The following UVRAG variants were observed in gnomAD, a reference collection of about 807,000 sequenced individuals.
The protein encoded by UVRAG is UV radiation resistance-associated gene protein.
Under a neutral mutation model 78.0 loss-of-function variants are expected in UVRAG, and 19 were observed. That is an observed-to-expected ratio of 0.24 (90% CI 0.17 to 0.36). UVRAG has a LOEUF of 0.36. Ranked by LOEUF, UVRAG falls within the 10% of genes least tolerant of loss-of-function variation. The probability of loss-of-function intolerance (pLI) is 1.00; values close to 1 mark genes in which losing one functional copy is unlikely to be tolerated. For missense variants in UVRAG, 740 were observed against 853.8 expected, an observed-to-expected ratio of 0.87 and a Z score of 1.66; for synonymous variants, 323 against 324.6, an observed-to-expected ratio of 1.00 and a Z score of 0.05.
intron 10 of UVRAG, 130 bp from the exon 11 acceptor site, chr11:76,008,677 G>C (rs955925003): frequency 6.1e-6 from 3 of 491,746 alleles, no homozygotes; most frequent in South Asian, 8.9e-5. Context: ...TCATCATCCA[G>C]CTTCAACAAT....
chr11:75,850,259 C>A (rs1025990252), intron 1 of UVRAG, among the ~76,000 whole-genome samples: 5 of 152,150 alleles, frequency 3.3e-5, no homozygotes, highest in African/African-American at 1.2e-4. Context: ...GCCTTAGGTC[C>A]CTGGAGACCC....
chr11:75,889,022 C>T (rs577853450), intron 5 of UVRAG, 119 bp downstream of exon 5: 19 of 766,654 alleles, frequency 2.5e-5, no homozygotes, highest in Non-Finnish European at 3.7e-5. Context: ...AAATTTGTTG[C>T]TTAGTGTGGC....
chr11:75,936,088 C>G (rs1457114260), intron 6 of UVRAG, among the ~76,000 whole-genome samples: 1 of 152,146 alleles, frequency 6.6e-6, no homozygotes, highest in African/African-American at 2.4e-5. Context: ...TGAAGAGATT[C>G]AAGTTATGCA....
intron 1 of UVRAG, among the ~76,000 whole-genome samples, chr11:75,831,010 G>A (rs939292395): frequency 6.6e-6 from 1 of 152,150 alleles, no homozygotes; most frequent in Non-Finnish European, 1.5e-5. Flanking sequence ...GGTAAAATGG[G>A]CATAATAATA....
At chr11:75,871,008 T>A (rs1047742991) in intron 3 of UVRAG, among the ~76,000 whole-genome samples, 1 of 151,624 alleles carries the variant, frequency 6.6e-6, no homozygotes, top group Middle Eastern at 3.2e-3. Flanking sequence ...TAGCTCAGAT[T>A]ACAGGCATGT....
At chr11:76,098,260 G>T (rs528906079) in intron 13 of UVRAG, among the ~76,000 whole-genome samples, 2 of 152,220 alleles carry the variant, frequency 1.3e-5, no homozygotes, top group South Asian at 4.1e-4. Context: ...GGAAAAGGAA[G>T]ATAACTAACA....
intron 13 of UVRAG, among the ~76,000 whole-genome samples, chr11:76,077,968 A>G (rs1212767218): frequency 6.6e-6 from 1 of 152,228 alleles, no homozygotes; most frequent in African/African-American, 2.4e-5. Flanking sequence ...TTTCCAAAGC[A>G]CCACCATGAG....
At chr11:75,965,193 A>G (rs1237594837) in intron 7 of UVRAG, among the ~76,000 whole-genome samples, 3 of 152,260 alleles carry the variant, frequency 2.0e-5, no homozygotes, top group Non-Finnish European at 2.9e-5. Context: ...TTGCTATCTT[A>G]ACAATAGTGG....
At chr11:75,834,476 A>G (rs772551817) in intron 1 of UVRAG, among the ~76,000 whole-genome samples, 55 of 152,078 alleles carry the variant, frequency 3.6e-4, no homozygotes, top group Non-Finnish European at 7.6e-4. Flanking sequence ...GTGTGTGTGT[A>G]CATGCATGCC....
chr11:75,861,853 A>G (rs1181666902), intron 3 of UVRAG, 73 bp downstream of exon 3: 1 of 1,302,374 alleles, frequency 7.7e-7, no homozygotes, highest in Admixed American at 1.9e-5. Context: ...GAAATGTAAA[A>G]TAAGTTGAGG....
chr11:76,107,797 T>G (rs1951997639), intron 13 of UVRAG, among the ~76,000 whole-genome samples: 1 of 152,206 alleles, frequency 6.6e-6, no homozygotes, highest in African/African-American at 2.4e-5. Context: ...GTGGTACTCT[T>G]TTTTTTCAAG....
intron 6 of UVRAG, among the ~76,000 whole-genome samples, chr11:75,957,552 C>T (rs112337095): frequency 1.4e-4 from 22 of 151,912 alleles, no homozygotes; most frequent in African/African-American, 4.6e-4. Context: ...ATTACAGTAT[C>T]ATCTTACTAA....
Position 75,983,480 on chromosome 11 carries a change from C to T in UVRAG, c.793C>T (p.Leu265=), listed in dbSNP as rs765372762. 6.2e-7 allele frequency: 1 copy of T among 1,609,918 alleles called. No individual in the cohort carries two copies. The highest frequency in any genetic ancestry group is 1.7e-5 in the Admixed American group (1 of 59,870). ...AGCTTTGGGACGGGAGGTGGCATTA[C>T]TGCATAAGCAACAAATTGCATTACA... The part of the protein sequence containing the change: ...KKALGREVAL[L]HKQQIALQDK... The change falls in exon 8 of 15, where the codon CTG becomes TTG. Residue 265 remains leucine (L), a synonymous_variant. Transcript: ENST00000356136.
chr11:76,009,758 G>C (rs1368393382), intron 11 of UVRAG, among the ~76,000 whole-genome samples: 1 of 152,164 alleles, frequency 6.6e-6, no homozygotes, highest in Non-Finnish European at 1.5e-5. Flanking sequence ...TAAACCAGGA[G>C]TTGGAAAACC....
chr11:76,038,376 C>CA (rs778411777), intron 12 of UVRAG, among the ~76,000 whole-genome samples: 16 of 150,824 alleles, frequency 1.1e-4, no homozygotes, highest in South Asian at 4.2e-4. Context: ...ATACAAATTG[C>CA]AAAAAAAATA....
At chr11:76,061,822 C>T (rs953912522) in intron 12 of UVRAG, among the ~76,000 whole-genome samples, 1 of 152,182 alleles carries the variant, frequency 6.6e-6, no homozygotes, top group Non-Finnish European at 1.5e-5. Context: ...ATTCCGGACT[C>T]AAAATTATAT....
At chr11:76,074,157 T>G (rs1340995026) in intron 13 of UVRAG, among the ~76,000 whole-genome samples, 1 of 152,272 alleles carries the variant, frequency 6.6e-6, no homozygotes, top group East Asian at 1.9e-4. Context: ...ATGATAATTA[T>G]TGATACATAT....
chr11:75,978,549 T>G (rs1031810634), intron 7 of UVRAG, among the ~76,000 whole-genome samples: 1 of 152,216 alleles, frequency 6.6e-6, no homozygotes, highest in East Asian at 1.9e-4. Flanking sequence ...CCATATTTGT[T>G]GGAGGCTTTG....
chr11:76,133,693 G>A (rs995757041), intron 14 of UVRAG, among the ~76,000 whole-genome samples: 18 of 152,132 alleles, frequency 1.2e-4, no homozygotes, highest in Non-Finnish European at 2.5e-4. Context: ...GCAGAACAAG[G>A]ATGCATCAGG....
Sources: allele counts gnomAD v4.1 joint callset (sites outside exome capture counted in the v4.1 genomes callset), GRCh38; gene constraint gnomAD v4.1.1; transcripts MANE v1.5; gene names NCBI Gene and HGNC (gene_info 2026-07-23, HGNC 2026-07-21).